Variants in RABL3 observed in about 807,000 individuals in gnomAD.
RABL3 encodes rab-like protein 3.
In RABL3, 31 loss-of-function variants were observed where a neutral mutation model predicts 31.8. The observed-to-expected ratio is 0.97, with a 90% CI of 0.73 to 1.31. The LOEUF (loss-of-function observed/expected upper bound fraction) is 1.31, where lower values mean the gene tolerates loss of function less well. Ranked by LOEUF, RABL3 falls within the 40% of genes most tolerant of loss-of-function variation. RABL3 has a pLI of 0.00. For missense variants in RABL3, 263 were observed against 279.6 expected (o/e 0.94, Z 0.42); for synonymous variants, 97 against 99.9 (o/e 0.97, Z 0.18).
At chr3:120,718,383 C>T (rs967156394) in intron 2 of RABL3, among the ~76,000 whole-genome samples, 1 of 152,170 alleles carries the variant, frequency 6.6e-6, no homozygotes, top group Admixed American at 6.5e-5. Context: ...TGCTCTGGAC[C>T]ATCAGCTATA....
chr3:120,719,602 C>T (rs1708712563), intron 2 of RABL3, among the ~76,000 whole-genome samples: 1 of 152,226 alleles, frequency 6.6e-6, no homozygotes, highest in South Asian at 2.1e-4. Flanking sequence ...TCGCTCATTG[C>T]TAGCACAGCA....
chr3:120,691,100 AAGC>A lies in RABL3; in HGVS notation c.607-616_607-614del, dbSNP rs1708375030. Among the ~76,000 whole-genome samples the A allele has an allele frequency of 3.3e-5, 5 of 152,284 alleles. No individual in the cohort carries two copies. The South Asian group carries it at 6.2e-4, about 19-fold the overall frequency. Reference sequence around the variant, plus strand: ...TTTGATAAGTAGAAAAAACATGTTCAAGCAGCAGATGTATCTGCACAAATCCAT... The same window carrying A: ...TTTGATAAGTAGAAAAAACATGTTCAAGCAGATGTATCTGCACAAATCCAT... On this transcript the variant is annotated intron_variant, in intron 6 of 7. Transcript: ENST00000273375.
At chr3:120,709,617 T>C (rs374465879) in intron 3 of RABL3, among the ~76,000 whole-genome samples, 163 bp downstream of exon 3, 3 of 152,246 alleles carry the variant, frequency 2.0e-5, no homozygotes, top group East Asian at 1.9e-4. Context: ...GGTTACAATG[T>C]AGAAACGCAA....
chr3:120,704,742 G>C (rs937259570), intron 4 of RABL3, among the ~76,000 whole-genome samples: 1 of 152,094 alleles, frequency 6.6e-6, no homozygotes, highest in Non-Finnish European at 1.5e-5. Flanking sequence ...ATTTGAAACT[G>C]AAGTTTAAAT....
rs541794984 is a variant in RABL3, at chr3:120,689,988, C to T, written c.646-100G>A. 20 of 911,252 alleles carry T rather than the reference C, an allele frequency of 2.2e-5. No homozygotes were observed. In the African/African-American group the frequency reaches 2.7e-4, roughly 12 times the overall value. 56.4% of individuals were successfully genotyped at this position (911,252 alleles called of 1,614,324 possible). A position where few individuals can be genotyped will look rare whatever the true frequency, so the allele number is the denominator to read the frequency against. On this transcript the variant is annotated intron_variant, in intron 7 of 7. Coordinates refer to ENST00000273375, the MANE Select transcript of RABL3 (RefSeq NM_173825.5). Reference sequence around the variant, plus strand: ...TTTTCCATTTCTGTATGTCAGCCTGCTGTTTCTTAAAAAAACAACTTTCTG... The same window carrying T: ...TTTTCCATTTCTGTATGTCAGCCTGTTGTTTCTTAAAAAAACAACTTTCTG...
At chr3:120,733,229 T>C (rs1335050979) in intron 1 of RABL3, among the ~76,000 whole-genome samples, 2 of 152,312 alleles carry the variant, frequency 1.3e-5, no homozygotes, top group Non-Finnish European at 2.9e-5. Context: ...CACCTGTTTT[T>C]TCATGACTTT....
At chr3:120,690,813 C>A (rs186121526) in intron 6 of RABL3, among the ~76,000 whole-genome samples, 223 of 152,250 alleles carry the variant, frequency 1.5e-3, no homozygotes, top group African/African-American at 5.3e-3. Flanking sequence ...AGTTTCCTAG[C>A]AGTCAGTCCC....
Position 120,742,515 on chromosome 3 carries a change from C to T in RABL3, c.-8G>A. 1 of 1,614,144 alleles carries T rather than the reference C, an allele frequency of 6.2e-7. No individual in the cohort carries two copies. Among genetic ancestry groups the T allele is most frequent in the Non-Finnish European group, 8.5e-7 (1 of 1,179,964 alleles). The stretch of plus-strand genomic sequence containing the variant: ...CCGATCCAGGGACGCCATCTTGCCA[C>T]TGCCTTCCCTGGGTTAACGCCTGTT... On this transcript the variant is annotated 5_prime_UTR_variant, in exon 1 of 8. In the 5' UTR this introduces an upstream ATG that the reference lacks. Transcript: ENST00000273375.
rs561403848 is a variant in RABL3, at chr3:120,733,642, C to T, written c.47-2855G>A. Among the ~76,000 whole-genome samples, 7 of 152,268 alleles carry T rather than the reference C, an allele frequency of 4.6e-5. No homozygotes were observed. In the South Asian group the frequency reaches 8.3e-4, roughly 18 times the overall value. The stretch of plus-strand genomic sequence containing the variant: ...TGAAGTCCTTGCCCATGCCTATGTC[C>T]GGAATGGTATTGCCTAGGTTTTCTT... On this transcript the variant is annotated intron_variant, in intron 1 of 7. Coordinates refer to ENST00000273375, the MANE Select transcript of RABL3 (RefSeq NM_173825.5).
intron 2 of RABL3, among the ~76,000 whole-genome samples, chr3:120,720,338 T>C (rs1051723670): frequency 3.9e-5 from 6 of 152,128 alleles, no homozygotes; most frequent in African/African-American, 1.4e-4. Flanking sequence ...GGATGGAGAA[T>C]GACTTTGATG....
At chr3:120,693,436 ATAACACAGGAAT>A (rs1708402603) in intron 6 of RABL3, among the ~76,000 whole-genome samples, 1 of 152,222 alleles carries the variant, frequency 6.6e-6, no homozygotes, top group African/African-American at 2.4e-5. Context: ...AAAAAGAAAT[ATAACACAGGAAT>A]TAACCTTTTT....
chr3:120,706,725 C>A (rs529332514), intron 3 of RABL3, among the ~76,000 whole-genome samples: 72 of 151,926 alleles, frequency 4.7e-4, no homozygotes, highest in Middle Eastern at 3.4e-3. Flanking sequence ...TGTAAGCTTC[C>A]TACCTGTAAG....
Position 120,709,865 on chromosome 3 carries a change from G to C in RABL3, c.183C>G (p.Tyr61Ter). 1 of 1,609,706 alleles carries C rather than the reference G, an allele frequency of 6.2e-7. No homozygotes were observed. The highest frequency in any genetic ancestry group is 8.5e-7 in the Non-Finnish European group (1 of 1,176,644). Reference protein sequence around the residue: ...KEGTPEEKTYYIELWDVGGSV... With the variant: ...KEGTPEEKTY ...AGCCTCCAACATCCCATAATTCTAT[G>C]TAGTAGGTCTTCTCTTCTGGGGTTC... The change falls in exon 3 of 8, where the codon TAC becomes TAG. Residue 61 changes from tyrosine to a stop codon, truncating the protein, a stop_gained. Coordinates refer to ENST00000273375, the MANE Select transcript of RABL3 (RefSeq NM_173825.5). LOFTEE classifies it high-confidence loss of function.
chr3:120,713,808 CTTTTTT>C (rs61372023), intron 2 of RABL3, among the ~76,000 whole-genome samples: 2 of 121,712 alleles, frequency 1.6e-5, no homozygotes, highest in African/African-American at 3.0e-5. Context: ...TTGTCTGTAA[CTTTTTT>C]TTTTTTTTTT....
At chr3:120,733,652 T>A (rs1332316038) in intron 1 of RABL3, among the ~76,000 whole-genome samples, 8 of 152,208 alleles carry the variant, frequency 5.3e-5, no homozygotes, top group African/African-American at 1.9e-4. Flanking sequence ...CGGAATGGTA[T>A]TGCCTAGGTT....
At chr3:120,728,406 G>A (rs1025727605) in intron 2 of RABL3, among the ~76,000 whole-genome samples, 1 of 152,174 alleles carries the variant, frequency 6.6e-6, no homozygotes, top group Non-Finnish European at 1.5e-5. Flanking sequence ...ATTGACTCAG[G>A]AGGTGAGTGT....
At chr3:120,722,997 A>G (rs562425298) in intron 2 of RABL3, among the ~76,000 whole-genome samples, 3 of 152,358 alleles carry the variant, frequency 2.0e-5, no homozygotes, top group Non-Finnish European at 2.9e-5. Flanking sequence ...CAAAAAATCA[A>G]TGAATCCAGG....
chr3:120,701,665 T>G (rs904953356), intron 4 of RABL3, among the ~76,000 whole-genome samples: 2 of 152,208 alleles, frequency 1.3e-5, no homozygotes, highest in Non-Finnish European at 2.9e-5. Flanking sequence ...AAATTAGTTG[T>G]GCTTATTCTT....
At chr3:120,735,460 G>C (rs1708947311) in intron 1 of RABL3, among the ~76,000 whole-genome samples, 3 of 151,956 alleles carry the variant, frequency 2.0e-5, no homozygotes, top group Admixed American at 2.0e-4. Flanking sequence ...TCTTGCTAGT[G>C]GTCTATCAAT....
Sources: allele counts gnomAD v4.1 joint callset (sites outside exome capture counted in the v4.1 genomes callset), GRCh38; gene constraint gnomAD v4.1.1; transcripts MANE v1.5; gene names NCBI Gene and HGNC (gene_info 2026-07-23, HGNC 2026-07-21).